WWOX: variants seen among roughly 807,000 people sequenced by gnomAD.
WWOX encodes the protein WW domain containing oxidoreductase.
Under a neutral mutation model 46.2 loss-of-function variants are expected in WWOX, and 69 were observed. The ratio of observed to expected loss-of-function variants is 1.49; its 90% CI spans 1.23 to 1.82. WWOX has a LOEUF of 1.82. Among genes scored for constraint, WWOX ranks in the 40% most tolerant of loss-of-function variants. WWOX has a pLI of 0.00. For synonymous variants in WWOX, 359 were observed against 202.6 expected (o/e 1.77, Z -6.56); for missense variants, 919 against 542.6 (o/e 1.69, Z -6.89).
chr16:78,780,783 C>T (rs2050305985), intron 8 of WWOX, among the ~76,000 whole-genome samples: 1 of 152,148 alleles, frequency 6.6e-6, no homozygotes, highest in Non-Finnish European at 1.5e-5. Context: ...GTATGGCTAG[C>T]ATAGGATGGG....
chr16:78,859,039 TATATATATATGTATA>T (rs2052650055), intron 8 of WWOX, among the ~76,000 whole-genome samples: 1 of 23,728 alleles, frequency 4.2e-5, no homozygotes, highest in African/African-American at 1.1e-4. Flanking sequence ...TATATATATA[TATATATATATGTATA>T]TATATATATA....
At chr16:78,922,124 C>T (rs553258209) in intron 8 of WWOX, among the ~76,000 whole-genome samples, 79 of 152,204 alleles carry the variant, frequency 5.2e-4, no homozygotes, top group Admixed American at 1.8e-3. Context: ...ATTGGGTCTT[C>T]GTTGCGTAGG....
At chr16:78,937,999 T>A (rs2045777148) in intron 8 of WWOX, among the ~76,000 whole-genome samples, 1 of 152,180 alleles carries the variant, frequency 6.6e-6, no homozygotes, top group African/African-American at 2.4e-5. Context: ...GTTCTCAAAG[T>A]CCTTGCCTAA....
chr16:78,477,535 C>G (rs2151441567), intron 8 of WWOX, among the ~76,000 whole-genome samples: 1 of 152,156 alleles, frequency 6.6e-6, no homozygotes, highest in South Asian at 2.1e-4. Flanking sequence ...TGCCGCAATG[C>G]ACTTATAGCT....
At chr16:78,787,399 CAT>C (rs1597609361) in intron 8 of WWOX, among the ~76,000 whole-genome samples, 1 of 152,142 alleles carries the variant, frequency 6.6e-6, no homozygotes, top group East Asian at 1.9e-4. Flanking sequence ...CTGGATATCT[CAT>C]ATAAATGGAA....
intron 8 of WWOX, among the ~76,000 whole-genome samples, chr16:78,852,157 T>G (rs2052459787): frequency 6.6e-6 from 1 of 152,206 alleles, no homozygotes; most frequent in Non-Finnish European, 1.5e-5. Context: ...CTTAAGAGCA[T>G]GGCACTGTCT....
intron 8 of WWOX, among the ~76,000 whole-genome samples, chr16:78,903,310 T>C (rs1238696984): frequency 6.6e-6 from 1 of 152,188 alleles, no homozygotes; most frequent in East Asian, 1.9e-4. Context: ...TGCAAACATC[T>C]GATTGGTTTT....
chr16:79,036,837 C>T (rs145393280), intron 8 of WWOX, among the ~76,000 whole-genome samples: 1 of 152,118 alleles, frequency 6.6e-6, no homozygotes, highest in Non-Finnish European at 1.5e-5. Context: ...ATGTTAGCAT[C>T]AGGTATTTTA....
intron 8 of WWOX, among the ~76,000 whole-genome samples, chr16:78,457,805 A>G (rs1006083721): frequency 1.3e-5 from 2 of 151,206 alleles, no homozygotes; most frequent in African/African-American, 4.9e-5. Context: ...AGTCCCAGCT[A>G]CTTGGGAGGC....
chr16:78,323,636 T>A (rs2080540881), intron 5 of WWOX, among the ~76,000 whole-genome samples: 1 of 152,182 alleles, frequency 6.6e-6, no homozygotes, highest in Non-Finnish European at 1.5e-5. Flanking sequence ...GCTGTGGACT[T>A]TACTTTTCAC....
At chr16:78,388,424 G>A (rs922385403) in intron 6 of WWOX, among the ~76,000 whole-genome samples, 1 of 151,176 alleles carries the variant, frequency 6.6e-6, no homozygotes, top group Admixed American at 6.6e-5. Flanking sequence ...AGGCGGGGAG[G>A]GTCATGAGGT....
chr16:79,112,643 G>C (rs529553465), intron 8 of WWOX, among the ~76,000 whole-genome samples: 2 of 152,294 alleles, frequency 1.3e-5, no homozygotes, highest in South Asian at 4.1e-4. Context: ...AAAAGATTAA[G>C]AAAGCACTCG....
intron 4 of WWOX, among the ~76,000 whole-genome samples, chr16:78,147,567 T>A (rs2034241029): frequency 6.6e-6 from 1 of 152,174 alleles, no homozygotes; most frequent in Non-Finnish European, 1.5e-5. Flanking sequence ...CACGTGACTT[T>A]GGTAGCATAA....
intron 8 of WWOX, among the ~76,000 whole-genome samples, chr16:78,880,728 A>G (rs1217226520): frequency 6.6e-6 from 1 of 152,194 alleles, no homozygotes; most frequent in Admixed American, 6.5e-5. Flanking sequence ...GTGAGTGACT[A>G]TTTTTTGACA....
At chr16:78,375,389 C>T (rs1304000215) in intron 5 of WWOX, among the ~76,000 whole-genome samples, 2 of 152,182 alleles carry the variant, frequency 1.3e-5, no homozygotes, top group Non-Finnish European at 1.5e-5. Context: ...AGCCTACTTG[C>T]ATTTCTATTT....
intron 8 of WWOX, among the ~76,000 whole-genome samples, chr16:78,650,260 A>G (rs1212747460): frequency 1.3e-5 from 2 of 152,226 alleles, no homozygotes; most frequent in Non-Finnish European, 2.9e-5. Flanking sequence ...TTTCTTCAGG[A>G]CTTACTTTGA....
intron 8 of WWOX, among the ~76,000 whole-genome samples, chr16:79,047,252 T>C (rs531822007): frequency 1.3e-5 from 2 of 152,344 alleles, no homozygotes; most frequent in South Asian, 4.1e-4. Flanking sequence ...ATTCACCATG[T>C]ATTTAAAGGC....
chr16:78,474,615 G>C (rs1450170203), intron 8 of WWOX, among the ~76,000 whole-genome samples: 2 of 152,122 alleles, frequency 1.3e-5, no homozygotes, highest in East Asian at 3.9e-4. Context: ...TACAATTCAT[G>C]CATTTAAAGT....
At chr16:79,150,637 A>G (rs888152917) in intron 8 of WWOX, among the ~76,000 whole-genome samples, 6 of 152,192 alleles carry the variant, frequency 3.9e-5, no homozygotes, top group Non-Finnish European at 8.8e-5. Flanking sequence ...TTAGAAATTC[A>G]TATATTTTTA....
Sources: allele counts gnomAD v4.1 joint callset (sites outside exome capture counted in the v4.1 genomes callset), GRCh38; gene constraint gnomAD v4.1.1; transcripts MANE v1.5; gene names NCBI Gene and HGNC (gene_info 2026-07-23, HGNC 2026-07-21).